Variants in NR6A1 observed in about 807,000 individuals in gnomAD.
The protein encoded by NR6A1 is nuclear receptor subfamily 6 group A member 1.
NR6A1 carries 7 observed loss-of-function variants against 59.1 expected under a neutral mutation model. The observed-to-expected ratio is 0.12, with a 90% confidence interval of 0.07 to 0.22. The LOEUF (loss-of-function observed/expected upper bound fraction) is 0.22. Ranked by LOEUF, NR6A1 falls within the 10% of genes least tolerant of loss-of-function variation. NR6A1 has a pLI of 1.00. For synonymous variants in NR6A1, 243 were observed against 236.1 expected, an observed-to-expected ratio of 1.03 and a Z score of -0.27; for missense variants, 468 against 611.6, an observed-to-expected ratio of 0.77 and a Z score of 2.48.
At chr9:124,755,171 A>T (rs2131181941) in intron 1 of NR6A1, among the ~76,000 whole-genome samples, 1 of 2,072 alleles carries the variant, frequency 4.8e-4, no homozygotes, top group South Asian at 0.056. Context: ...GAGTCACATT[A>T]CCGTGGAAAT....
At chr9:124,713,500 AAG>A (rs1839339216) in intron 2 of NR6A1, among the ~76,000 whole-genome samples, 1 of 152,214 alleles carries the variant, frequency 6.6e-6, no homozygotes, top group Non-Finnish European at 1.5e-5. Context: ...TGTATCTGTT[AAG>A]AGATTAATAT....
intron 2 of NR6A1, among the ~76,000 whole-genome samples, chr9:124,719,238 C>T (rs1201475939): frequency 6.6e-6 from 1 of 151,816 alleles, no homozygotes; most frequent in Non-Finnish European, 1.5e-5. Flanking sequence ...AGACATGTGC[C>T]GCCACACCCA....
At chr9:124,739,259 C>G (rs1840109715) in intron 1 of NR6A1, among the ~76,000 whole-genome samples, 1 of 151,890 alleles carries the variant, frequency 6.6e-6, no homozygotes, top group Non-Finnish European at 1.5e-5. Flanking sequence ...CCCAGATTTG[C>G]TATTATCAAA....
At chr9:124,645,687 C>A (rs1836910826) in intron 2 of NR6A1, among the ~76,000 whole-genome samples, 1 of 152,070 alleles carries the variant, frequency 6.6e-6, no homozygotes, top group African/African-American at 2.4e-5. Flanking sequence ...ATAAATCCAC[C>A]CTCTATCAAA....
chr9:124,539,942 C>G (rs1833390449), intron 5 of NR6A1, 91 bp downstream of exon 5: 6 of 1,423,720 alleles, frequency 4.2e-6, no homozygotes, highest in Non-Finnish European at 5.6e-6. Flanking sequence ...CTGAGACAGC[C>G]TGGCAGGGAT....
rs143751280 is a variant in NR6A1 at position 124,638,590 on chromosome 9, T to C, written c.143-84020A>G. Among the ~76,000 whole-genome samples the C allele has an allele frequency of 3.0e-3, 464 of 152,346 alleles. 3 individuals are homozygous for C. The highest frequency in any genetic ancestry group is 0.011 in the African/African-American group (445 of 41,586). On this transcript the variant is annotated intron_variant, in intron 2 of 9. Coordinates refer to ENST00000487099, the MANE Select transcript of NR6A1 (RefSeq NM_033334.4). Reference sequence around the variant, plus strand: ...TGCAATGCTTTGTAAAAATATGCATTCAGGCTCTGAAGATCATGGGCTGCT... The same window carrying C: ...TGCAATGCTTTGTAAAAATATGCATCCAGGCTCTGAAGATCATGGGCTGCT...
intron 2 of NR6A1, among the ~76,000 whole-genome samples, chr9:124,635,855 AG>A (rs975160798): frequency 1.3e-5 from 2 of 152,244 alleles, no homozygotes; most frequent in Admixed American, 6.5e-5. Flanking sequence ...TGTAGACATT[AG>A]TTTTCAATTA....
At chr9:124,613,965 T>G (rs1276794483) in intron 2 of NR6A1, among the ~76,000 whole-genome samples, 1 of 152,136 alleles carries the variant, frequency 6.6e-6, no homozygotes, top group Non-Finnish European at 1.5e-5. Flanking sequence ...AACAATGATT[T>G]TCAGGTACTG....
At chr9:124,729,598 T>C (rs1430370954) in intron 2 of NR6A1, among the ~76,000 whole-genome samples, 2 of 151,922 alleles carry the variant, frequency 1.3e-5, no homozygotes, top group African/African-American at 2.4e-5. Flanking sequence ...AAAATTAAAT[T>C]AAATAAACAA....
intron 2 of NR6A1, among the ~76,000 whole-genome samples, chr9:124,649,233 C>CAA (rs78432505): frequency 0.1 from 3,731 of 36,488 alleles, 154 homozygotes; most frequent in African/African-American, 0.16. Flanking sequence ...GGTACTGGCA[C>CAA]AAAAAAAAAA....
intron 2 of NR6A1, among the ~76,000 whole-genome samples, chr9:124,704,279 CA>C (rs1191481567): frequency 2.0e-5 from 3 of 152,172 alleles, no homozygotes; most frequent in African/African-American, 4.8e-5. Flanking sequence ...AGGGGTTTAT[CA>C]AATTTGTCGA....
At chr9:124,601,636 TA>T (rs1451160317) in intron 2 of NR6A1, among the ~76,000 whole-genome samples, 1 of 147,250 alleles carries the variant, frequency 6.8e-6, no homozygotes, top group Non-Finnish European at 1.5e-5. Context: ...AAAAAGACTA[TA>T]TATAGACTAT....
chr9:124,570,375 T>C (rs1834405854), intron 2 of NR6A1, among the ~76,000 whole-genome samples: 1 of 152,230 alleles, frequency 6.6e-6, no homozygotes, highest in Admixed American at 6.5e-5. Flanking sequence ...CTGTCTTTGA[T>C]ACTTTTTGGT....
At chr9:124,596,033 C>T (rs915950225) in intron 2 of NR6A1, among the ~76,000 whole-genome samples, 1 of 152,224 alleles carries the variant, frequency 6.6e-6, no homozygotes, top group Non-Finnish European at 1.5e-5. Context: ...GTTAACAATA[C>T]TGCCTAGCAC....
At chr9:124,595,826 G>A (rs1488033466) in intron 2 of NR6A1, 19 of 1,289,528 alleles carry the variant, frequency 1.5e-5, no homozygotes, top group Non-Finnish European at 1.0e-6. Flanking sequence ...AGAGATTACA[G>A]GACAAGTCCA....
intron 2 of NR6A1, among the ~76,000 whole-genome samples, chr9:124,712,242 C>G (rs902817666): frequency 1.3e-5 from 2 of 151,938 alleles, no homozygotes; most frequent in African/African-American, 4.8e-5. Flanking sequence ...TATGACTACA[C>G]GAAAAATTAA....
At chr9:124,687,593 C>T (rs1395195155) in intron 2 of NR6A1, among the ~76,000 whole-genome samples, 2 of 152,176 alleles carry the variant, frequency 1.3e-5, no homozygotes. Flanking sequence ...CCATATACAA[C>T]TTAACCTTTG....
At chr9:124,543,352 A>G (rs1833503712) in intron 4 of NR6A1, among the ~76,000 whole-genome samples, 1 of 152,178 alleles carries the variant, frequency 6.6e-6, no homozygotes, top group Admixed American at 6.5e-5. Context: ...TAGGGCCTGG[A>G]AGAGTAGGAA....
At chr9:124,561,784 C>T (rs897335952) in intron 2 of NR6A1, among the ~76,000 whole-genome samples, 19 of 152,036 alleles carry the variant, frequency 1.2e-4, no homozygotes, top group African/African-American at 3.4e-4. Flanking sequence ...TGGTGGTATG[C>T]GCCTGTAATA....
Sources: gnomAD v4.1 joint callset for allele counts (sites outside exome capture counted in the v4.1 genomes callset) on GRCh38, gnomAD v4.1.1 for gene constraint, MANE v1.5 for transcripts, NCBI Gene and HGNC (gene_info 2026-07-23, HGNC 2026-07-21) for gene names.